The following RIMBP2 variants were observed in gnomAD, a reference collection of about 807,000 sequenced individuals.
The protein encoded by RIMBP2 is RIMS-binding protein 2.
Under a neutral mutation model 118.6 loss-of-function variants are expected in RIMBP2, and 48 were observed. The observed-to-expected ratio is 0.40, with a 90% confidence interval of 0.32 to 0.51. The LOEUF (loss-of-function observed/expected upper bound fraction) is 0.51, where lower values mean the gene tolerates loss of function less well. Among genes scored for constraint, RIMBP2 ranks in the 20% least tolerant of loss-of-function variants. The probability of loss-of-function intolerance (pLI) is 0.41; values close to 1 mark genes in which losing one functional copy is unlikely to be tolerated. For missense variants in RIMBP2, 1,551 were observed against 1,768.3 expected, an observed-to-expected ratio of 0.88 and a Z score of 2.20; for synonymous variants, 762 against 742.9, an observed-to-expected ratio of 1.03 and a Z score of -0.42.
At chr12:130,547,337 T>C (rs1415121028) in intron 2 of RIMBP2, among the ~76,000 whole-genome samples, 1 of 152,254 alleles carries the variant, frequency 6.6e-6, no homozygotes, top group Admixed American at 6.5e-5. Flanking sequence ...GGGGGAAATA[T>C]CTTTTGGGCA....
Position 130,578,994 on chromosome 12 carries a change from TC to T in RIMBP2, c.-217+49327del, listed in dbSNP as rs766816422. 6.6e-6 allele frequency among the ~76,000 whole-genome samples: 1 copy of T among 152,246 alleles called. No individual in the cohort carries two copies. Among genetic ancestry groups the T allele is most frequent in the Non-Finnish European group, 1.5e-5 (1 of 68,046 alleles). ...TGTCTCACATCCATTGGTTCAGATT[TC>T]AAGGACAAATCAGTTATTTCTCAGG... On this transcript the variant is annotated intron_variant, in intron 2 of 22. Coordinates refer to ENST00000690449, the MANE Select transcript of RIMBP2 (RefSeq NM_001393629.1). The surrounding 1 kb of genome is among the most constrained non-coding windows in gnomAD (Gnocchi z 4.1).
At chr12:130,639,679 G>T (rs2062526405) in intron 1 of RIMBP2, among the ~76,000 whole-genome samples, 1 of 152,096 alleles carries the variant, frequency 6.6e-6, no homozygotes, top group South Asian at 2.1e-4. Context: ...CTCGGGGGCT[G>T]GGACTACCGT....
At chr12:130,646,032 C>T (rs889708671) in intron 1 of RIMBP2, among the ~76,000 whole-genome samples, 4 of 149,472 alleles carry the variant, frequency 2.7e-5, no homozygotes, top group South Asian at 2.1e-4. Flanking sequence ...TGTGGTGCGG[C>T]AGCCAGTTCC....
chr12:130,579,607 G>A (rs1266702778), intron 2 of RIMBP2, among the ~76,000 whole-genome samples: 7 of 152,150 alleles, frequency 4.6e-5, no homozygotes, highest in African/African-American at 1.4e-4. Flanking sequence ...AGTCCTGTGA[G>A]TCCTGAGAGA....
intron 1 of RIMBP2, among the ~76,000 whole-genome samples, chr12:130,685,259 T>C (rs1315955667): frequency 2.0e-5 from 3 of 152,168 alleles, no homozygotes; most frequent in African/African-American, 4.8e-5. Context: ...CGTCTCCAGA[T>C]GGTGGAGATG....
At chr12:130,570,931 T>C (rs2057587718) in intron 2 of RIMBP2, among the ~76,000 whole-genome samples, 1 of 152,172 alleles carries the variant, frequency 6.6e-6, no homozygotes, top group African/African-American at 2.4e-5. Context: ...GAAGGCCTGC[T>C]ACGCATTGGG....
chr12:130,522,922 G>A (rs1161381847), intron 2 of RIMBP2, among the ~76,000 whole-genome samples: 2 of 152,178 alleles, frequency 1.3e-5, no homozygotes, highest in African/African-American at 4.8e-5. Flanking sequence ...GGCTTTCTAA[G>A]AGGAGGACGA....
chr12:130,471,398 GT>G (rs772209885), intron 5 of RIMBP2, among the ~76,000 whole-genome samples: 9 of 152,178 alleles, frequency 5.9e-5, no homozygotes, highest in Non-Finnish European at 1.3e-4. Flanking sequence ...GTTATTTCTT[GT>G]CCTCACAGGC....
rs182095687 is a variant in RIMBP2, at chr12:130,716,015, T to C, written c.-352+207A>G. Among the ~76,000 whole-genome samples, 36 of 152,040 alleles carry C rather than the reference T, an allele frequency of 2.4e-4. No individual in the cohort carries two copies. The East Asian group carries it at 6.5e-3, about 27-fold the overall frequency. ...TCCTGAATTCCAAGCAGCACCGACA[T>C]GCCAGCAGGGCGAGCCGCTGCTCCC... On this transcript the variant is annotated intron_variant, in intron 1 of 22. Coordinates refer to ENST00000690449, the MANE Select transcript of RIMBP2 (RefSeq NM_001393629.1).
chr12:130,494,639 A>AAG (rs2048966911), intron 4 of RIMBP2, among the ~76,000 whole-genome samples: 1 of 43,252 alleles, frequency 2.3e-5, no homozygotes, highest in Non-Finnish European at 4.3e-5. Flanking sequence ...ACCCTGTCTC[A>AAG]AAAAAAAAAA....
chr12:130,619,721 C>T (rs548562418), intron 2 of RIMBP2, among the ~76,000 whole-genome samples: 1 of 152,306 alleles, frequency 6.6e-6, no homozygotes, highest in East Asian at 1.9e-4. Context: ...TAGCTGTGCT[C>T]ACGGTCCCTT....
At chr12:130,638,965 A>G (rs1054978243) in intron 1 of RIMBP2, among the ~76,000 whole-genome samples, 5 of 152,206 alleles carry the variant, frequency 3.3e-5, no homozygotes, top group African/African-American at 1.2e-4. Flanking sequence ...CAATATCAAT[A>G]TTGGATCATC....
Position 130,560,320 on chromosome 12 carries a change from C to T in RIMBP2, c.-216-42403G>A, listed in dbSNP as rs563009951. Among the ~76,000 whole-genome samples, 30 of 152,070 alleles carry T rather than the reference C, an allele frequency of 2.0e-4. 1 individual carries two copies. The South Asian group carries it at 3.5e-3, about 18-fold the overall frequency. On this transcript the variant is annotated intron_variant, in intron 2 of 22. Transcript: ENST00000690449. ...ATTTAATTTGGGGGGAGGGCAGAGT[C>T]GGGGGTCTCGGTTCCAGGGTTTCTC...
intron 22 of RIMBP2, 100 bp downstream of exon 22, chr12:130,399,579 C>A: frequency 7.1e-7 from 1 of 1,409,256 alleles, no homozygotes; most frequent in Non-Finnish European, 9.7e-7. Flanking sequence ...TGTATTTACG[C>A]TTTTCGGCCC....
intron 2 of RIMBP2, among the ~76,000 whole-genome samples, chr12:130,571,289 G>A (rs1001201213): frequency 6.6e-6 from 1 of 152,112 alleles, no homozygotes; most frequent in Admixed American, 6.5e-5. Flanking sequence ...TCCCCGCAAG[G>A]GGAACCACCC....
intron 5 of RIMBP2, chr12:130,472,245 G>A (rs1384469497): frequency 1.3e-5 from 2 of 152,218 alleles, no homozygotes; most frequent in African/African-American, 4.8e-5. Flanking sequence ...GTTTTCTGTC[G>A]CTTGAAACCA....
chr12:130,612,906 C>G (rs946360015), intron 2 of RIMBP2, among the ~76,000 whole-genome samples: 1 of 148,808 alleles, frequency 6.7e-6, no homozygotes, highest in Non-Finnish European at 1.5e-5. Flanking sequence ...TCCCTCCCCC[C>G]TCCCCCAAGT....
At chr12:130,533,624 C>T (rs1270901275) in intron 2 of RIMBP2, among the ~76,000 whole-genome samples, 1 of 152,210 alleles carries the variant, frequency 6.6e-6, no homozygotes, top group Non-Finnish European at 1.5e-5. Flanking sequence ...TTCACCATAA[C>T]ACTATTCACA....
rs1257632515 is a variant in RIMBP2 at position 130,525,420 on chromosome 12, C to T, written c.-216-7503G>A. ...TTGCAGAGTGCTGGGTGAGAAGAGG[C>T]GCAGAGAGACAAGGTCATGCTTAGA... On this transcript the variant is annotated intron_variant, in intron 2 of 22. Coordinates refer to ENST00000690449, the MANE Select transcript of RIMBP2 (RefSeq NM_001393629.1). This position sits in a 1 kb window ranked among gnomAD's most constrained non-coding sequence, Gnocchi z 4.4. Among the ~76,000 whole-genome samples, 3 of 152,172 alleles carry T rather than the reference C, an allele frequency of 2.0e-5. No homozygotes were observed. Among genetic ancestry groups the T allele is most frequent in the South Asian group, 4.1e-4 (2 of 4,822 alleles).
Sources: gnomAD v4.1 joint callset for allele counts (sites outside exome capture counted in the v4.1 genomes callset) on GRCh38, gnomAD v4.1.1 for gene constraint, Gnocchi (gnomAD v3.1) non-coding constraint, MANE v1.5 for transcripts, NCBI Gene and HGNC (gene_info 2026-07-23, HGNC 2026-07-21) for gene names.